Variants in GRIA4 observed in about 807,000 individuals in gnomAD.
GRIA4 encodes glutamate ionotropic receptor AMPA type subunit 4.
A neutral mutation model predicts 104.0 loss-of-function variants in GRIA4; 34 were observed. The observed-to-expected ratio is 0.33, with a 90% CI of 0.25 to 0.44. The LOEUF is 0.44. Ranked by LOEUF, GRIA4 falls within the 20% of genes least tolerant of loss-of-function variation. GRIA4 has a pLI of 1.00. For missense variants in GRIA4, 750 were observed against 1,096.5 expected, an observed-to-expected ratio of 0.68 and a Z score of 4.46; for synonymous variants, 386 against 381.9, an observed-to-expected ratio of 1.01 and a Z score of -0.13.
chr11:105,743,382 T>C (rs532668170), intron 3 of GRIA4, among the ~76,000 whole-genome samples: 29 of 152,346 alleles, frequency 1.9e-4, no homozygotes, highest in African/African-American at 7.0e-4. Context: ...TCTATATTGT[T>C]TGATACTTTT....
intron 4 of GRIA4, among the ~76,000 whole-genome samples, chr11:105,771,467 A>T (rs972453775): frequency 6.6e-6 from 1 of 152,060 alleles, no homozygotes; most frequent in Admixed American, 6.6e-5. Flanking sequence ...AGATTTTGAT[A>T]TGAACCGTTC....
intron 4 of GRIA4, among the ~76,000 whole-genome samples, chr11:105,823,132 G>C (rs1336369338): frequency 6.6e-6 from 1 of 152,032 alleles, no homozygotes; most frequent in African/African-American, 2.4e-5. Flanking sequence ...CTTCTCAAAT[G>C]CATTGTGATA....
intron 3 of GRIA4, among the ~76,000 whole-genome samples, chr11:105,703,807 T>C (rs148939313): frequency 2.6e-5 from 4 of 152,208 alleles, no homozygotes; most frequent in African/African-American, 7.2e-5. Context: ...ATGGGATAAA[T>C]AATTAATAGG....
At chr11:105,836,156 T>G (rs1166436771) in intron 4 of GRIA4, among the ~76,000 whole-genome samples, 4 of 152,044 alleles carry the variant, frequency 2.6e-5, no homozygotes, top group African/African-American at 7.2e-5. Flanking sequence ...CATAGAAGCA[T>G]GGGGATCTTC....
chr11:105,769,932 G>T (rs1405159551), intron 4 of GRIA4, among the ~76,000 whole-genome samples: 1 of 152,026 alleles, frequency 6.6e-6, no homozygotes, highest in Admixed American at 6.6e-5. Flanking sequence ...TAACTTAAAA[G>T]TAACAGAAAC....
chr11:105,716,700 T>G (rs377567362), intron 3 of GRIA4, among the ~76,000 whole-genome samples: 211 of 152,218 alleles, frequency 1.4e-3, no homozygotes, highest in African/African-American at 4.7e-3. Flanking sequence ...TTAACATCAA[T>G]TTAACCATTT....
intron 3 of GRIA4, among the ~76,000 whole-genome samples, chr11:105,643,882 C>A (rs1161845548): frequency 2.0e-5 from 3 of 152,072 alleles, no homozygotes; most frequent in African/African-American, 7.2e-5. Flanking sequence ...CCGTGTCTGG[C>A]TAATTTTGGT....
At chr11:105,904,194 T>C (rs921960685) in intron 8 of GRIA4, among the ~76,000 whole-genome samples, 3 of 152,140 alleles carry the variant, frequency 2.0e-5, no homozygotes, top group African/African-American at 7.2e-5. Flanking sequence ...ATAAGCTAGG[T>C]TATGTTGCAG....
At chr11:105,755,431 AT>A (rs1940247701) in intron 4 of GRIA4, among the ~76,000 whole-genome samples, 1 of 151,888 alleles carries the variant, frequency 6.6e-6, no homozygotes, top group African/African-American at 2.4e-5. Context: ...CCATTTTCTT[AT>A]TGCATTGGAA....
chr11:105,826,875 A>G (rs554377701), intron 4 of GRIA4, among the ~76,000 whole-genome samples: 1 of 151,944 alleles, frequency 6.6e-6, no homozygotes, highest in Non-Finnish European at 1.5e-5. Flanking sequence ...CTTTGACCCT[A>G]TTTCCTATTC....
At chr11:105,622,408 G>A (rs969930806) in intron 3 of GRIA4, among the ~76,000 whole-genome samples, 1 of 151,738 alleles carries the variant, frequency 6.6e-6, no homozygotes, top group African/African-American at 2.4e-5. Context: ...GCTTTGAACT[G>A]CTACATTTGT....
chr11:105,888,807 T>C (rs1003925047), intron 6 of GRIA4, among the ~76,000 whole-genome samples: 7 of 152,144 alleles, frequency 4.6e-5, no homozygotes, highest in Non-Finnish European at 7.4e-5. Flanking sequence ...CATGATTATA[T>C]TGTGTTTCTT....
rs543906624 is a variant in GRIA4, at chr11:105,946,784, C to A, written c.2294+12815C>A. Among the ~76,000 whole-genome samples, 201 of 152,046 alleles carry A rather than the reference C, an allele frequency of 1.3e-3. 1 individual carries two copies. The highest frequency in any genetic ancestry group is 1.0e-2 in the South Asian group (48 of 4,824). On this transcript the variant is annotated intron_variant, in intron 14 of 16. Coordinates refer to ENST00000282499, the MANE Select transcript of GRIA4 (RefSeq NM_000829.4). ...GTAGATTTTAGGAAAGTTTTAAGAT[C>A]AGGTAACAGGGACACTTGGGACTCA...
At chr11:105,740,188 A>T (rs1056841002) in intron 3 of GRIA4, among the ~76,000 whole-genome samples, 1 of 152,248 alleles carries the variant, frequency 6.6e-6, no homozygotes, top group Non-Finnish European at 1.5e-5. Flanking sequence ...AACTATGATT[A>T]TAATTGGTTT....
chr11:105,798,904 T>C (rs1942603266), intron 4 of GRIA4, among the ~76,000 whole-genome samples: 1 of 152,114 alleles, frequency 6.6e-6, no homozygotes, highest in Non-Finnish European at 1.5e-5. Flanking sequence ...AACCTCCTAC[T>C]GAACATATGA....
chr11:105,624,049 A>T (rs996044561), intron 3 of GRIA4, among the ~76,000 whole-genome samples: 26 of 152,156 alleles, frequency 1.7e-4, no homozygotes, highest in Admixed American at 1.4e-3. Flanking sequence ...CAAGTAAAGA[A>T]TATGAAGACA....
intron 4 of GRIA4, among the ~76,000 whole-genome samples, chr11:105,829,782 G>A (rs1943906415): frequency 6.6e-6 from 1 of 151,814 alleles, no homozygotes; most frequent in African/African-American, 2.4e-5. Context: ...GAGAGAAGCA[G>A]AAAGCTATTT....
rs1399927198 is a variant in GRIA4, at chr11:105,630,148, T to C, written c.247+17714T>C. On this transcript the variant is annotated intron_variant, in intron 3 of 16. Coordinates refer to ENST00000282499, the MANE Select transcript of GRIA4 (RefSeq NM_000829.4). Reference sequence around the variant, plus strand: ...ATCTCAAGGCACCTTGGACTTACCCTACTACGTGATATTATTATTTATTTG... The same window carrying C: ...ATCTCAAGGCACCTTGGACTTACCCCACTACGTGATATTATTATTTATTTG... 8.5e-5 allele frequency among the ~76,000 whole-genome samples: 13 copies of C among 152,324 alleles called. 1 individual carries two copies. The East Asian group carries it at 2.5e-3, about 29-fold the overall frequency.
At chr11:105,776,254 G>A (rs1941445899) in intron 4 of GRIA4, among the ~76,000 whole-genome samples, 1 of 151,862 alleles carries the variant, frequency 6.6e-6, no homozygotes, top group South Asian at 2.1e-4. Flanking sequence ...TATGATGTTA[G>A]GGCATTTATT....
Sources: gnomAD v4.1 joint callset for allele counts (sites outside exome capture counted in the v4.1 genomes callset) on GRCh38, gnomAD v4.1.1 for gene constraint, MANE v1.5 for transcripts, NCBI Gene and HGNC (gene_info 2026-07-23, HGNC 2026-07-21) for gene names.